SGPL1: variants seen among roughly 807,000 people sequenced by gnomAD.
SGPL1 encodes sphingosine-1-phosphate lyase 1.
A neutral mutation model predicts 68.9 loss-of-function variants in SGPL1; 37 were observed. That is an observed-to-expected ratio of 0.54 (90% CI 0.41 to 0.71). The LOEUF (loss-of-function observed/expected upper bound fraction) is 0.71, where lower values mean the gene tolerates loss of function less well. Ranked by LOEUF, SGPL1 falls within the 30% of genes least tolerant of loss-of-function variation. The pLI, the probability that SGPL1 is intolerant of heterozygous loss-of-function variation, is 0.00. For synonymous variants in SGPL1, 236 were observed against 248.5 expected, an observed-to-expected ratio of 0.95 and a Z score of 0.47; for missense variants, 551 against 704.6, an observed-to-expected ratio of 0.78 and a Z score of 2.47.
chr10:70,834,463 A>G (rs1483226233), intron 2 of SGPL1, among the ~76,000 whole-genome samples: 1 of 152,236 alleles, frequency 6.6e-6, no homozygotes, highest in Non-Finnish European at 1.5e-5. Flanking sequence ...GTGGTCTCTA[A>G]GGTTCCTTCA....
At chr10:70,860,412 G>A (rs774068767) in intron 7 of SGPL1, 21 of 463,542 alleles carry the variant, frequency 4.5e-5, no homozygotes, top group Non-Finnish European at 5.8e-5. Context: ...TTTTTGTTTT[G>A]TTTTTCTAAT....
intron 7 of SGPL1, among the ~76,000 whole-genome samples, chr10:70,863,238 T>G (rs1846112316): frequency 6.6e-6 from 1 of 151,364 alleles, no homozygotes; most frequent in Non-Finnish European, 1.5e-5. Context: ...CTGCCTGCCT[T>G]GGCTTCTCAA....
At position 70,879,802 on chromosome 10, in the gene SGPL1, ATG is replaced by A. The variant is rs747039858; in HGVS notation, c.*2472_*2473del. On this transcript the variant is annotated 3_prime_UTR_variant, in exon 15 of 15. Transcript: ENST00000373202. Reference sequence around the variant, plus strand: ...GGCTTTTCATTGTGTATTTTTGTGTATGTGTGCATATAGCAGCTACTCTGTAG... The same window carrying A: ...GGCTTTTCATTGTGTATTTTTGTGTATGTGCATATAGCAGCTACTCTGTAG... 2.0e-5 allele frequency: 3 copies of A among 152,586 alleles called. No individual in the cohort carries two copies. The highest frequency in any genetic ancestry group is 2.9e-5 in the Non-Finnish European group (2 of 68,042). 9.5% of individuals were successfully genotyped at this position (152,586 alleles called of 1,614,324 possible). A position where few individuals can be genotyped will look rare whatever the true frequency, so the allele number is the denominator to read the frequency against.
At chr10:70,821,372 GCCAGTCTACC>G (rs1401939142) in intron 2 of SGPL1, among the ~76,000 whole-genome samples, 1 of 152,178 alleles carries the variant, frequency 6.6e-6, no homozygotes, top group African/African-American at 2.4e-5. Context: ...ATTTTATAAA[GCCAGTCTACC>G]CCTTAGGTGG....
At chr10:70,873,155 A>G (rs1385762581) in intron 11 of SGPL1, among the ~76,000 whole-genome samples, 196 bp from the exon 12 acceptor site, 1 of 152,218 alleles carries the variant, frequency 6.6e-6, no homozygotes. Flanking sequence ...CATTCCTAAC[A>G]GAGAGAATTT....
chr10:70,860,651 A>G (rs530351611), intron 7 of SGPL1, among the ~76,000 whole-genome samples: 1 of 152,304 alleles, frequency 6.6e-6, no homozygotes, highest in South Asian at 2.1e-4. Flanking sequence ...AAGAACTTGT[A>G]AGAGGCCAGA....
rs374784953 is a variant in SGPL1 at position 70,872,003 on chromosome 10, A to T, written c.1059+17A>T. Reference sequence around the variant, plus strand: ...ACCCATAAGGTGAGCTAAGGAGGAGATCAAGTGTTACCAGTTGATTATTTT... The same window carrying T: ...ACCCATAAGGTGAGCTAAGGAGGAGTTCAAGTGTTACCAGTTGATTATTTT... On this transcript the variant is annotated intron_variant, in intron 11 of 14. Coordinates refer to ENST00000373202, the MANE Select transcript of SGPL1 (RefSeq NM_003901.4). The T allele has an allele frequency of 2.8e-4, 445 of 1,607,960 alleles. 1 individual carries two copies. The highest frequency in any genetic ancestry group is 3.5e-4 in the Non-Finnish European group (418 of 1,177,796).
chr10:70,834,307 C>A (rs1217483083), intron 2 of SGPL1, among the ~76,000 whole-genome samples: 1 of 152,036 alleles, frequency 6.6e-6, no homozygotes, highest in Non-Finnish European at 1.5e-5. Flanking sequence ...TATTGATGTA[C>A]CCCCACTGGC....
chr10:70,859,781 C>A (rs961151980), intron 7 of SGPL1, among the ~76,000 whole-genome samples: 6 of 152,036 alleles, frequency 3.9e-5, no homozygotes, highest in African/African-American at 1.2e-4. Context: ...TTTATTTTCA[C>A]CTTTTTATTT....
intron 2 of SGPL1, among the ~76,000 whole-genome samples, chr10:70,817,159 A>G (rs992668309): frequency 2.0e-5 from 3 of 152,140 alleles, no homozygotes; most frequent in Non-Finnish European, 4.4e-5. Context: ...AGCTGGGATT[A>G]CAGGCGCACG....
chr10:70,866,982 G>A (rs1327330865), intron 7 of SGPL1, among the ~76,000 whole-genome samples: 3 of 152,102 alleles, frequency 2.0e-5, no homozygotes, highest in South Asian at 2.1e-4. Flanking sequence ...ATATGAAAAC[G>A]TAGAAAGTTT....
At chr10:70,860,401 GTTT>G (rs1451791157) in intron 7 of SGPL1, 2 of 467,198 alleles carry the variant, frequency 4.3e-6, no homozygotes, top group Admixed American at 4.8e-5. Context: ...AGGAAGCATT[GTTT>G]TTGTTTTGTT....
chr10:70,860,658 C>T (rs1275913147), intron 7 of SGPL1, among the ~76,000 whole-genome samples: 2 of 152,024 alleles, frequency 1.3e-5, no homozygotes, highest in African/African-American at 4.8e-5. Context: ...TGTAAGAGGC[C>T]AGAGTGAATA....
intron 3 of SGPL1, among the ~76,000 whole-genome samples, chr10:70,849,898 G>A (rs1280081997): frequency 6.6e-6 from 1 of 152,168 alleles, no homozygotes; most frequent in Non-Finnish European, 1.5e-5. Context: ...TTAAATCTTT[G>A]CTCTATCACT....
intron 7 of SGPL1, chr10:70,866,593 C>T (rs1846191718): frequency 6.6e-6 from 1 of 152,182 alleles, no homozygotes; most frequent in Non-Finnish European, 1.5e-5. Context: ...GTGACTTGGA[C>T]TTTGCTGGTC....
intron 2 of SGPL1, among the ~76,000 whole-genome samples, chr10:70,826,321 C>A (rs997475069): frequency 6.6e-5 from 10 of 152,278 alleles, no homozygotes; most frequent in Admixed American, 5.2e-4. Context: ...CATTCCATGC[C>A]GATAAGGCCA....
rs372486643 is a variant in SGPL1, at chr10:70,838,976, T to C, written c.28-5497T>C. Among the ~76,000 whole-genome samples, 149 of 152,304 alleles carry C rather than the reference T, an allele frequency of 9.8e-4. 5 individuals are homozygous for C. In the South Asian group the frequency reaches 0.03, roughly 31 times the overall value. Reference sequence around the variant, plus strand: ...TCTAACAAGTAGCATACCCCAAATTTACAATATTTGTAGCCTTCTGCTGTT... The same window carrying C: ...TCTAACAAGTAGCATACCCCAAATTCACAATATTTGTAGCCTTCTGCTGTT... On this transcript the variant is annotated intron_variant, in intron 2 of 14. Coordinates refer to ENST00000373202, the MANE Select transcript of SGPL1 (RefSeq NM_003901.4).
At chr10:70,874,711 G>A (rs556761153) in intron 12 of SGPL1, among the ~76,000 whole-genome samples, 13 of 152,116 alleles carry the variant, frequency 8.5e-5, no homozygotes, top group African/African-American at 2.9e-4. Flanking sequence ...CAACAAGAAC[G>A]AAACTCCATC....
At chr10:70,870,499 C>A (rs368204388) in intron 9 of SGPL1, among the ~76,000 whole-genome samples, 1,328 of 71,194 alleles carry the variant, frequency 0.019, 23 homozygotes, top group African/African-American at 0.073. Context: ...CAGAGCAAGA[C>A]CCTGTCTCAA....
Sources: allele counts gnomAD v4.1 joint callset (sites outside exome capture counted in the v4.1 genomes callset), GRCh38; gene constraint gnomAD v4.1.1; transcripts MANE v1.5; gene names NCBI Gene and HGNC (gene_info 2026-07-23, HGNC 2026-07-21).